The following TRAPPC2L variants were observed in gnomAD, a reference collection of about 807,000 sequenced individuals.
TRAPPC2L encodes the protein trafficking protein particle complex subunit 2L.
Under a neutral mutation model 13.2 loss-of-function variants are expected in TRAPPC2L, and 17 were observed. The observed-to-expected ratio is 1.29, with a 90% CI of 0.88 to 1.93. The LOEUF (loss-of-function observed/expected upper bound fraction) is 1.93, where lower values mean the gene tolerates loss of function less well. TRAPPC2L is among the 30% of genes most tolerant of loss of function. TRAPPC2L has a pLI of 0.00. For synonymous variants in TRAPPC2L, 150 were observed against 98.1 expected (o/e 1.53, Z -3.12); for missense variants, 359 against 252.1 (o/e 1.42, Z -2.87).
In TRAPPC2L at chr16:88,861,182, G is replaced by T. The variant is rs1968365131; in HGVS notation, c.*858G>T. The T allele has an allele frequency of 8.7e-6, 5 of 572,880 alleles. No individual in the cohort carries two copies. The South Asian group carries it at 1.0e-4, about 11-fold the overall frequency. 35.5% of individuals were successfully genotyped at this position (572,880 alleles called of 1,614,324 possible). On this transcript the variant is annotated 3_prime_UTR_variant, in exon 4 of 4. Transcript: ENST00000565504. ...AGAATTCAACTAAGGACTTTTCTGG[G>T]GTGTGGGCAGAGGTTTGGGATCAGA...
At chr16:88,858,587 G>GTCCTTTCA in intron 1 of TRAPPC2L, 32 bp from the exon 2 acceptor site, 1 of 1,605,990 alleles carries the variant, frequency 6.2e-7, no homozygotes, top group Non-Finnish European at 8.5e-7. Context: ...GTGGAGTCTT[G>GTCCTTTCA]TCCTTTCAGT....
chr16:88,857,753 G>A (rs1273176998), intron 1 of TRAPPC2L, among the ~76,000 whole-genome samples: 1 of 152,170 alleles, frequency 6.6e-6, no homozygotes, highest in Non-Finnish European at 1.5e-5. Flanking sequence ...TCACCTGTGG[G>A]CCTTTGCACG....
At chr16:88,856,931 C>T (rs369448232), upstream of TRAPPC2L, 6,248 of 1,470,972 alleles carry the variant, frequency 4.2e-3, 23 homozygotes, top group South Asian at 0.01. Context: ...AGCGAGCGTC[C>T]GCCGGCCCTT....
upstream of TRAPPC2L, chr16:88,856,660 C>G (rs1242225233): frequency 2.8e-4 from 107 of 383,220 alleles, 3 homozygotes; most frequent in South Asian, 1.5e-3. Context: ...CCTCTCCCCC[C>G]ACCCCGCCCG....
intron 2 of TRAPPC2L, chr16:88,859,422 C>T (rs947474960): frequency 1.3e-5 from 9 of 700,212 alleles, no homozygotes; most frequent in Admixed American, 4.0e-5. Flanking sequence ...CTAGGTGGTT[C>T]GGCTCCTGGA....
intron 2 of TRAPPC2L, 39 bp from the exon 3 acceptor site, chr16:88,859,624 T>G (rs1017564530): frequency 6.9e-6 from 11 of 1,588,738 alleles, no homozygotes; most frequent in African/African-American, 2.7e-5. Flanking sequence ...CCACCGGCAG[T>G]CCCTGTGTTA....
upstream of TRAPPC2L, chr16:88,856,720 C>T: frequency 1.1e-6 from 1 of 911,446 alleles, no homozygotes; most frequent in Non-Finnish European, 1.6e-6. Context: ...CCTCCCCGCC[C>T]CACCCCGGCC....
chr16:88,856,976 C>A (rs1967958913), upstream of TRAPPC2L: 7 of 1,395,716 alleles, frequency 5.0e-6, no homozygotes, highest in Non-Finnish European at 6.4e-6. Flanking sequence ...TGGACGGCCA[C>A]GTGACTCGCG....
exon 4 of TRAPPC2L, chr16:88,860,586 G>C (rs949335536): frequency 2.0e-5 from 12 of 587,546 alleles, no homozygotes; most frequent in Non-Finnish European, 3.0e-5. Context: ...TCCCAGATGG[G>C]AGCAGGCAGG....
exon 4 of TRAPPC2L, chr16:88,861,148 T>C (rs556244331): frequency 4.8e-6 from 3 of 619,034 alleles, no homozygotes; most frequent in African/African-American, 3.7e-5. Flanking sequence ...GCCAAGGATT[T>C]AATTAAGAAG....
chr16:88,859,749 G>C, exon 3 of TRAPPC2L: 5 of 1,613,536 alleles, frequency 3.1e-6, no homozygotes, highest in African/African-American at 2.7e-5. Flanking sequence ...GAAATTCGCA[G>C]CGTAAGTCAG....
intron 3 of TRAPPC2L, 38 bp downstream of exon 3, chr16:88,859,788 GTT>G: frequency 1.3e-6 from 2 of 1,595,456 alleles, no homozygotes; most frequent in South Asian, 2.3e-5. Context: ...CCGAGTGGGT[GTT>G]TTGTTTTTCC....
At chr16:88,860,631 G>C (rs1968318609) in exon 4 of TRAPPC2L, 1 of 594,550 alleles carries the variant, frequency 1.7e-6, no homozygotes, top group Non-Finnish European at 3.0e-6. Context: ...GGGCTGCACA[G>C]GGCCATCCTT....
At chr16:88,859,266 C>T in intron 2 of TRAPPC2L, 3 of 569,956 alleles carry the variant, frequency 5.3e-6, no homozygotes, top group Admixed American at 4.4e-5. Context: ...GTGACATTTG[C>T]TAGTAGCCAC....
chr16:88,861,806 A>C (rs1417848761), exon 4 of TRAPPC2L: 1 of 380,302 alleles, frequency 2.6e-6, no homozygotes, highest in Non-Finnish European at 5.4e-6. Flanking sequence ...AGGACCCCAG[A>C]AGCCCTTGCA....
In TRAPPC2L at chr16:88,859,769, G is replaced by C. The variant is rs762458831; in HGVS notation, c.294+19G>C. 1.9e-6 allele frequency: 3 copies of C among 1,604,894 alleles called. No individual in the cohort carries two copies. The highest frequency in any genetic ancestry group is 2.7e-5 in the African/African-American group (2 of 74,686). On this transcript the variant is annotated intron_variant, in intron 3 of 3. Coordinates refer to ENST00000565504, the Ensembl canonical transcript of TRAPPC2L. ...TCGCAGCGTAAGTCAGGGAGTTAGA[G>C]GGCCACGCCCGAGTGGGTGTTTTGT...
chr16:88,856,568 C>A, upstream of TRAPPC2L: 1 of 621,466 alleles, frequency 1.6e-6, no homozygotes, highest in South Asian at 1.5e-5. Context: ...CCTCCCCCTC[C>A]CCGCACGGGG....
At chr16:88,859,492 C>T (rs920963341) in intron 2 of TRAPPC2L, 171 bp from the exon 3 acceptor site, 34 of 736,256 alleles carry the variant, frequency 4.6e-5, no homozygotes, top group Non-Finnish European at 7.3e-5. Context: ...CACCAGACGT[C>T]GCCCTAGCAA....
At chr16:88,858,556 T>C in intron 1 of TRAPPC2L, 63 bp from the exon 2 acceptor site, 1 of 1,572,528 alleles carries the variant, frequency 6.4e-7, no homozygotes, top group Non-Finnish European at 8.7e-7. Context: ...TGCAGCATAG[T>C]TCAGAGCTGG....
Sources: gnomAD v4.1 joint callset for allele counts (sites outside exome capture counted in the v4.1 genomes callset) on GRCh38, gnomAD v4.1.1 for gene constraint, MANE v1.5 for transcripts, NCBI Gene and HGNC (gene_info 2026-07-23, HGNC 2026-07-21) for gene names.